Variants in RORA observed in about 807,000 individuals in gnomAD.
RORA encodes nuclear receptor ROR-alpha.
Under a neutral mutation model 69.5 loss-of-function variants are expected in RORA, and 7 were observed. The observed-to-expected ratio is 0.10, with a 90% CI of 0.06 to 0.19. The LOEUF (loss-of-function observed/expected upper bound fraction) is 0.19, where lower values mean the gene tolerates loss of function less well. RORA is among the 10% of genes least tolerant of loss of function. The pLI, the probability that RORA is intolerant of heterozygous loss-of-function variation, is 1.00. For missense variants in RORA, 457 were observed against 663.0 expected (o/e 0.69, Z 3.41); for synonymous variants, 261 against 240.8 (o/e 1.08, Z -0.78).
At chr15:61,228,513 A>T in intron 1 of RORA, among the ~76,000 whole-genome samples, 1 of 71,674 alleles carries the variant, frequency 1.4e-5, no homozygotes, top group South Asian at 5.0e-4. Flanking sequence ...GGGACTTCCC[A>T]GGTCGCTCAC....
chr15:60,912,108 C>G (rs1476283090), intron 1 of RORA, among the ~76,000 whole-genome samples: 1 of 152,116 alleles, frequency 6.6e-6, no homozygotes, highest in Non-Finnish European at 1.5e-5. Context: ...TAAGGCAATG[C>G]CTGTTAAACT....
At chr15:60,629,224 G>A (rs1267351264) in intron 2 of RORA, among the ~76,000 whole-genome samples, 1 of 105,084 alleles carries the variant, frequency 9.5e-6, no homozygotes, top group African/African-American at 3.9e-5. Flanking sequence ...GTCTTGCTCT[G>A]TTGCCAGGCT....
chr15:60,597,056 G>T (rs1397465246), intron 2 of RORA, among the ~76,000 whole-genome samples: 1 of 152,136 alleles, frequency 6.6e-6, no homozygotes, highest in Admixed American at 6.5e-5. Context: ...CCGTGAGTCG[G>T]TCCAAACATT....
At chr15:60,940,648 T>A (rs1892666362) in intron 1 of RORA, among the ~76,000 whole-genome samples, 1 of 152,160 alleles carries the variant, frequency 6.6e-6, no homozygotes. Flanking sequence ...ACATTGTATG[T>A]AAATAATATT....
chr15:60,664,877 T>C (rs2070358139), intron 2 of RORA, among the ~76,000 whole-genome samples: 1 of 152,202 alleles, frequency 6.6e-6, no homozygotes, highest in African/African-American at 2.4e-5. Flanking sequence ...TCCTCTTGTT[T>C]TGACTCAAGA....
At chr15:60,899,841 A>G (rs1166731840) in intron 1 of RORA, among the ~76,000 whole-genome samples, 1 of 152,208 alleles carries the variant, frequency 6.6e-6, no homozygotes, top group Non-Finnish European at 1.5e-5. Flanking sequence ...TCAGACCACA[A>G]AGTCAAACTC....
intron 1 of RORA, among the ~76,000 whole-genome samples, chr15:60,933,004 T>C (rs1389006709): frequency 6.6e-6 from 1 of 152,158 alleles, no homozygotes; most frequent in Admixed American, 6.5e-5. Context: ...CCCAGGAGTT[T>C]CCAGGTTGCC....
intron 1 of RORA, chr15:61,176,223 A>G (rs7182581): frequency 0.26 from 39,484 of 152,014 alleles, 5,314 homozygotes; most frequent in African/African-American, 0.34. Flanking sequence ...GTGTTCAAAC[A>G]CTCTCTTCTT....
chr15:60,501,811 A>G (rs1350958038), intron 8 of RORA, among the ~76,000 whole-genome samples: 1 of 152,194 alleles, frequency 6.6e-6, no homozygotes, highest in Non-Finnish European at 1.5e-5. Context: ...ATTCCTTCAG[A>G]TTTGCATATT....
At chr15:60,724,262 A>G (rs1238715201) in intron 1 of RORA, among the ~76,000 whole-genome samples, 2 of 152,226 alleles carry the variant, frequency 1.3e-5, no homozygotes, top group Non-Finnish European at 2.9e-5. Flanking sequence ...TATCACAGGT[A>G]ACTTTCATTG....
chr15:60,740,192 C>A (rs1218744905), intron 1 of RORA, among the ~76,000 whole-genome samples: 2 of 152,052 alleles, frequency 1.3e-5, no homozygotes, highest in Non-Finnish European at 2.9e-5. Context: ...GTCTGTGGCT[C>A]AATGGTTTAA....
chr15:60,985,178 T>A (rs1219649575), intron 1 of RORA, among the ~76,000 whole-genome samples: 1 of 152,242 alleles, frequency 6.6e-6, no homozygotes, highest in Non-Finnish European at 1.5e-5. Context: ...CTTTCTTGTC[T>A]GAATCTAAGA....
chr15:60,963,083 A>G, intron 1 of RORA, among the ~76,000 whole-genome samples: 1 of 152,274 alleles, frequency 6.6e-6, no homozygotes, highest in East Asian at 1.9e-4. Context: ...CCAGACACTC[A>G]GATGCTCTAC....
intron 1 of RORA, among the ~76,000 whole-genome samples, chr15:60,711,093 C>T (rs2071137340): frequency 6.6e-6 from 1 of 152,132 alleles, no homozygotes; most frequent in South Asian, 2.1e-4. Flanking sequence ...CCCCTGCAGC[C>T]CAATTTGGGC....
intron 1 of RORA, among the ~76,000 whole-genome samples, chr15:60,680,146 A>G (rs1179609752): frequency 6.6e-6 from 1 of 152,222 alleles, no homozygotes; most frequent in East Asian, 1.9e-4. Context: ...CCAGCTCATG[A>G]CACCAGCACC....
At chr15:60,661,025 G>C (rs1359703022) in intron 2 of RORA, among the ~76,000 whole-genome samples, 3 of 147,726 alleles carry the variant, frequency 2.0e-5, no homozygotes, top group Admixed American at 6.7e-5. Flanking sequence ...GCGTGTAATT[G>C]ACAGTAATGT....
chr15:60,757,988 G>C (rs2071827008), intron 1 of RORA, among the ~76,000 whole-genome samples: 1 of 152,138 alleles, frequency 6.6e-6, no homozygotes, highest in Non-Finnish European at 1.5e-5. Flanking sequence ...TCTCTTTTCA[G>C]GATAGTCTAG....
intron 1 of RORA, among the ~76,000 whole-genome samples, chr15:61,195,122 G>C (rs2079835651): frequency 6.6e-6 from 1 of 151,904 alleles, no homozygotes; most frequent in Non-Finnish European, 1.5e-5. Flanking sequence ...TCCCAAAATA[G>C]CCCCGGTCTT....
chr15:60,536,443 A>G (rs1031915782), intron 2 of RORA, among the ~76,000 whole-genome samples: 1 of 152,228 alleles, frequency 6.6e-6, no homozygotes, highest in Non-Finnish European at 1.5e-5. Flanking sequence ...ATAACATGAC[A>G]GGCAGTTCCT....
Sources: allele counts gnomAD v4.1 joint callset (sites outside exome capture counted in the v4.1 genomes callset), GRCh38; gene constraint gnomAD v4.1.1; transcripts MANE v1.5; gene names NCBI Gene and HGNC (gene_info 2026-07-23, HGNC 2026-07-21).